Variants in FAM222B observed in about 807,000 individuals in gnomAD.
The protein encoded by FAM222B is protein FAM222B.
Under a neutral mutation model 38.0 loss-of-function variants are expected in FAM222B, and 12 were observed. That is an observed-to-expected ratio of 0.32 (90% confidence interval 0.20 to 0.51). FAM222B has a LOEUF of 0.51. Ranked by LOEUF, FAM222B falls within the 20% of genes least tolerant of loss-of-function variation. The pLI is 0.97. For synonymous variants in FAM222B, 329 were observed against 317.2 expected, an observed-to-expected ratio of 1.04 and a Z score of -0.40; for missense variants, 716 against 754.2, an observed-to-expected ratio of 0.95 and a Z score of 0.59.
At chr17:28,799,443 G>A (rs965433490) in intron 1 of FAM222B, among the ~76,000 whole-genome samples, 2 of 150,732 alleles carry the variant, frequency 1.3e-5, no homozygotes, top group Non-Finnish European at 3.0e-5. Context: ...GACCACAGGC[G>A]CCTGCCACCA....
rs138409797 is a variant in FAM222B, at chr17:28,819,846, C to T, written c.-41+22836G>A. ...TACTCAACTGTCTTTGCTGTGAAAG[C>T]ATGTCATTCAAGGACCCTTTTAGCA... On this transcript the variant is annotated intron_variant, in intron 1 of 2. Coordinates refer to ENST00000581407, the MANE Select transcript of FAM222B (RefSeq NM_001077498.3). Among the ~76,000 whole-genome samples, 14 of 152,296 alleles carry T rather than the reference C, an allele frequency of 9.2e-5. No homozygotes were observed. The East Asian group carries it at 1.3e-3, about 15-fold the overall frequency.
At chr17:28,853,061 T>A (rs1398746685) in intron 1 of FAM222B, among the ~76,000 whole-genome samples, 7 of 151,672 alleles carry the variant, frequency 4.6e-5, no homozygotes, top group East Asian at 1.9e-4. Context: ...GGCATGGTGG[T>A]GTATGCCTGT....
intron 1 of FAM222B, among the ~76,000 whole-genome samples, chr17:28,813,159 A>C (rs2037879065): frequency 6.6e-6 from 1 of 150,772 alleles, no homozygotes; most frequent in Non-Finnish European, 1.5e-5. Flanking sequence ...ATACAAAAAA[A>C]AAAAACACAC....
At chr17:28,821,588 T>A (rs1215816449) in intron 1 of FAM222B, among the ~76,000 whole-genome samples, 2 of 152,130 alleles carry the variant, frequency 1.3e-5, no homozygotes, top group Admixed American at 6.6e-5. Flanking sequence ...TTATAAAAAG[T>A]CTCATTCGCT....
At chr17:28,818,720 T>C (rs2038114227) in intron 1 of FAM222B, among the ~76,000 whole-genome samples, 1 of 152,138 alleles carries the variant, frequency 6.6e-6, no homozygotes, top group Non-Finnish European at 1.5e-5. Context: ...GTTTAGGATG[T>C]TTGGGTTGTA....
intron 1 of FAM222B, among the ~76,000 whole-genome samples, chr17:28,768,228 A>G (rs1293760865): frequency 6.6e-6 from 1 of 152,168 alleles, no homozygotes; most frequent in Non-Finnish European, 1.5e-5. Context: ...GGAGTGGGGG[A>G]AAAGCTCAAA....
At chr17:28,812,002 T>A (rs1053455450) in intron 1 of FAM222B, among the ~76,000 whole-genome samples, 1 of 151,844 alleles carries the variant, frequency 6.6e-6, no homozygotes, top group Non-Finnish European at 1.5e-5. Flanking sequence ...TATCGACACA[T>A]CAGTAAAAAG....
chr17:28,827,235 T>C (rs1229417445), intron 1 of FAM222B, among the ~76,000 whole-genome samples: 1 of 152,132 alleles, frequency 6.6e-6, no homozygotes, highest in Non-Finnish European at 1.5e-5. Context: ...CTTGCATCTG[T>C]AGTCCTAGCT....
chr17:28,838,817 G>C (rs1454481341), intron 1 of FAM222B, among the ~76,000 whole-genome samples: 4 of 152,060 alleles, frequency 2.6e-5, no homozygotes, highest in African/African-American at 9.6e-5. Context: ...TGAGACCAGA[G>C]AATCACTTGA....
intron 1 of FAM222B, among the ~76,000 whole-genome samples, chr17:28,792,421 A>G (rs1204514327): frequency 8.6e-5 from 13 of 151,956 alleles, no homozygotes; most frequent in Non-Finnish European, 1.5e-5. Context: ...TTGAGGCTTC[A>G]GTGAGCCGTC....
At chr17:28,827,372 A>T (rs930059303) in intron 1 of FAM222B, among the ~76,000 whole-genome samples, 1 of 152,134 alleles carries the variant, frequency 6.6e-6, no homozygotes, top group African/African-American at 2.4e-5. Context: ...AAAAAAAAAG[A>T]AAAAGTGAAA....
Position 28,759,712 on chromosome 17 carries a change from T to C in FAM222B, c.247A>G (p.Thr83Ala), listed in dbSNP as rs201634356. 1.2e-4 allele frequency: 194 copies of C among 1,613,712 alleles called. No individual in the cohort carries two copies. The highest frequency in any genetic ancestry group is 1.5e-4 in the Non-Finnish European group (177 of 1,179,822). Residue 83 changes from threonine to alanine, a missense_variant, in exon 3 of 3, where the codon ACA (threonine) becomes GCA (alanine). Thr to Ala is a moderately conservative substitution (Grantham distance 58). Coordinates refer to ENST00000581407, the MANE Select transcript of FAM222B (RefSeq NM_001077498.3). The surrounding 1 kb of genome is among the most constrained non-coding windows in gnomAD (Gnocchi z 4.8). ...HVRRTVNGLD[T>A]SAQRYSPYPT... ...TAGGGGCTGTAGCGCTGGGCTGATG[T>C]GTCGAGGCCGTTCACAGTACGACGA...
chr17:28,758,514 C>G lies in FAM222B; in HGVS notation c.1445G>C (p.Gly482Ala). 6.2e-7 allele frequency: 1 copy of G among 1,611,746 alleles called. No homozygotes were observed. Reference protein sequence around the residue: ...AMPFHGGQPTGAPLDCAAAPG... With the variant: ...AMPFHGGQPTAAPLDCAAAPG... ...AGCTGCCGCACAGTCGAGGGGTGCACCTGTGGGCTGCCCACCGTGGAACGG... is the reference window on the plus strand; with the variant it reads ...AGCTGCCGCACAGTCGAGGGGTGCAGCTGTGGGCTGCCCACCGTGGAACGG... Residue 482 changes from glycine (G) to alanine (A), a missense_variant, in exon 3 of 3, where the codon GGT becomes GCT. Coordinates refer to ENST00000581407, the MANE Select transcript of FAM222B (RefSeq NM_001077498.3).
At chr17:28,819,422 T>G (rs983406160) in intron 1 of FAM222B, among the ~76,000 whole-genome samples, 1 of 152,198 alleles carries the variant, frequency 6.6e-6, no homozygotes, top group African/African-American at 2.4e-5. Context: ...ATATTCCATT[T>G]TGTTAGGTAG....
chr17:28,841,015 C>T (rs2039019012), intron 1 of FAM222B, among the ~76,000 whole-genome samples: 1 of 151,938 alleles, frequency 6.6e-6, no homozygotes, highest in Non-Finnish European at 1.5e-5. Flanking sequence ...AACAAAATAG[C>T]CAGGCACGGT....
In FAM222B at chr17:28,759,067, T is replaced by G; in HGVS notation, c.892A>C (p.Ile298Leu). 1 of 1,612,418 alleles carries G rather than the reference T, an allele frequency of 6.2e-7. No individual in the cohort carries two copies. The highest frequency in any genetic ancestry group is 8.5e-7 in the Non-Finnish European group (1 of 1,179,204). ...GCATTGATGAGCAGACTGCGACTAA[T>G]GGGGCTGGGGTTGGCGATCTGGCCC... ...CEGQIANPSP[I>L]SRSLLINAST... Residue 298 changes from isoleucine to leucine, a missense_variant, in exon 3 of 3, where the codon ATT becomes CTT. Ile to Leu is a conservative substitution (Grantham distance 5, BLOSUM62 2). Coordinates refer to ENST00000581407, the MANE Select transcript of FAM222B (RefSeq NM_001077498.3). The surrounding 1 kb of genome is among the most constrained non-coding windows in gnomAD (Gnocchi z 4.8).
intron 1 of FAM222B, among the ~76,000 whole-genome samples, chr17:28,852,877 T>C (rs1167246727): frequency 6.6e-6 from 1 of 151,876 alleles, no homozygotes; most frequent in Non-Finnish European, 1.5e-5. Flanking sequence ...GGCAACATAG[T>C]GAGACTCTGT....
At chr17:28,796,699 G>C (rs1335729367) in intron 1 of FAM222B, among the ~76,000 whole-genome samples, 1 of 151,510 alleles carries the variant, frequency 6.6e-6, no homozygotes, top group African/African-American at 2.4e-5. Context: ...TGGCATTGTT[G>C]ATCTACTTCA....
chr17:28,803,182 A>T (rs1026304105), intron 1 of FAM222B, among the ~76,000 whole-genome samples: 2 of 151,468 alleles, frequency 1.3e-5, no homozygotes, highest in Non-Finnish European at 2.9e-5. Context: ...CTAATTTTTG[A>T]ATTTTAGTAG....
Sources: allele counts gnomAD v4.1 joint callset (sites outside exome capture counted in the v4.1 genomes callset), GRCh38; gene constraint gnomAD v4.1.1; non-coding constraint Gnocchi (gnomAD v3.1); transcripts MANE v1.5; gene names NCBI Gene and HGNC (gene_info 2026-07-23, HGNC 2026-07-21).